The following EBF1 variants were observed in gnomAD, a reference collection of about 807,000 sequenced individuals.
EBF1 encodes the protein EBF transcription factor 1.
In EBF1, 10 loss-of-function variants were observed where a neutral mutation model predicts 68.4. The ratio of observed to expected loss-of-function variants is 0.15; its 90% CI spans 0.09 to 0.25. The LOEUF (loss-of-function observed/expected upper bound fraction) is 0.25. Ranked by LOEUF, EBF1 falls within the 10% of genes least tolerant of loss-of-function variation. The pLI is 1.00. For missense variants in EBF1, 509 were observed against 794.4 expected (o/e 0.64, Z 4.32); for synonymous variants, 298 against 299.8 (o/e 0.99, Z 0.06).
intron 6 of EBF1, among the ~76,000 whole-genome samples, chr5:158,852,314 G>A (rs944544143): frequency 1.3e-4 from 19 of 151,896 alleles, no homozygotes; most frequent in South Asian, 4.2e-4. Flanking sequence ...AATATTCACC[G>A]CATCTGTCTG....
At chr5:158,817,604 T>C (rs1784023280) in intron 8 of EBF1, among the ~76,000 whole-genome samples, 1 of 152,164 alleles carries the variant, frequency 6.6e-6, no homozygotes, top group African/African-American at 2.4e-5. Context: ...ACCCAGTCTG[T>C]TAAAGCAACA....
intron 9 of EBF1, among the ~76,000 whole-genome samples, chr5:158,784,415 C>G (rs114328021): frequency 1.3e-5 from 2 of 152,118 alleles, no homozygotes; most frequent in African/African-American, 2.4e-5. Context: ...TTTTCCCATA[C>G]CTTGAAATGA....
chr5:158,935,183 G>A (rs1413633109), intron 6 of EBF1, among the ~76,000 whole-genome samples: 5 of 152,072 alleles, frequency 3.3e-5, no homozygotes, highest in African/African-American at 1.2e-4. Flanking sequence ...CCAGCTCCCC[G>A]CCCCTCATCC....
chr5:159,081,682 C>T (rs1468962826), intron 5 of EBF1, among the ~76,000 whole-genome samples: 2 of 152,170 alleles, frequency 1.3e-5, no homozygotes, highest in Non-Finnish European at 2.9e-5. Context: ...AGAAACCATA[C>T]ACTGATGAGG....
At chr5:158,896,613 T>A (rs1444893919) in intron 6 of EBF1, among the ~76,000 whole-genome samples, 1 of 152,204 alleles carries the variant, frequency 6.6e-6, no homozygotes, top group Non-Finnish European at 1.5e-5. Context: ...ATTGTATGAT[T>A]TCAAAGTTCT....
In EBF1 at chr5:158,731,167, A is replaced by T. The variant is rs1295015476; in HGVS notation, c.1037-10T>A. On this transcript the variant is annotated splice_polypyrimidine_tract_variant and intron_variant, in intron 10 of 15. Transcript: ENST00000313708. ...GTGGGTTCGTTGAGCGCTGCAATAA[A>T]GAAGTCACACAATTAGTACATTTTC... 1 of 1,613,188 alleles carries T rather than the reference A, an allele frequency of 6.2e-7. No individual in the cohort carries two copies. The highest frequency in any genetic ancestry group is 1.1e-5 in the South Asian group (1 of 90,940).
chr5:158,742,519 A>T (rs949443421), intron 10 of EBF1, among the ~76,000 whole-genome samples: 1 of 152,240 alleles, frequency 6.6e-6, no homozygotes, highest in Non-Finnish European at 1.5e-5. Flanking sequence ...TGCTAGAAAC[A>T]GGGGCAGGTG....
At chr5:158,901,829 G>T (rs892433824) in intron 6 of EBF1, among the ~76,000 whole-genome samples, 2 of 152,148 alleles carry the variant, frequency 1.3e-5, no homozygotes, top group African/African-American at 4.8e-5. Flanking sequence ...GGTGGCTCAC[G>T]CCTGTAATAC....
intron 8 of EBF1, among the ~76,000 whole-genome samples, chr5:158,796,881 T>C (rs1457762615): frequency 1.3e-5 from 2 of 152,210 alleles, no homozygotes; most frequent in Non-Finnish European, 2.9e-5. Context: ...TACGTTTTTT[T>C]AGATAAACAT....
chr5:158,789,398 CTTTTTT>C (rs1428774904), intron 9 of EBF1, among the ~76,000 whole-genome samples: 2 of 151,974 alleles, frequency 1.3e-5, no homozygotes, highest in Admixed American at 6.6e-5. Flanking sequence ...TCTTAATTTT[CTTTTTT>C]ATTTTAGTGG....
chr5:159,033,743 C>T (rs1769431808), intron 6 of EBF1, among the ~76,000 whole-genome samples: 1 of 152,022 alleles, frequency 6.6e-6, no homozygotes, highest in Non-Finnish European at 1.5e-5. Flanking sequence ...CATAAAATGC[C>T]CTACAGATAA....
At chr5:158,828,123 A>C (rs1164629132) in intron 7 of EBF1, among the ~76,000 whole-genome samples, 1 of 152,194 alleles carries the variant, frequency 6.6e-6, no homozygotes, top group East Asian at 1.9e-4. Context: ...CTTTAAAAAT[A>C]TTAACTTGAA....
At position 158,959,907 on chromosome 5, in the gene EBF1, C is replaced by T. The variant is rs550800659; in HGVS notation, c.554+113489G>A. On this transcript the variant is annotated intron_variant, in intron 6 of 15. Transcript: ENST00000313708. ...ATGCAGTAAGAGAATCAAACTAGAT[C>T]GACCAATCAATGGAACAGAACAGAA... Among the ~76,000 whole-genome samples the T allele has an allele frequency of 1.1e-4, 17 of 152,230 alleles. No homozygotes were observed. In the South Asian group the frequency reaches 2.1e-3, roughly 19 times the overall value.
intron 5 of EBF1, 85 bp from the exon 6 acceptor site, chr5:159,073,549 G>A: frequency 6.9e-7 from 1 of 1,458,312 alleles, no homozygotes; most frequent in Non-Finnish European, 9.6e-7. Flanking sequence ...AAATTGCTGG[G>A]TTGCAAATGC....
rs1306336887 is a variant in EBF1, at chr5:158,714,234, A to T, written c.1126-52T>A. ...CTTTGAGTGAAGGCAGGTTGTCGTT[A>T]TCTTTTGACATGATCACATTCCAGT... is the stretch of plus-strand genomic sequence containing the variant. On this transcript the variant is annotated intron_variant, in intron 11 of 15. Transcript: ENST00000313708. The T allele has an allele frequency of 3.1e-6, 5 of 1,595,370 alleles. No homozygotes were observed. In the South Asian group the frequency reaches 5.5e-5, roughly 18 times the overall value.
At chr5:158,707,660 T>C (rs1758159777) in intron 15 of EBF1, 5 of 315,348 alleles carry the variant, frequency 1.6e-5, no homozygotes, top group East Asian at 4.6e-5. Context: ...CCACAAGGAG[T>C]GAAAGAGGAG....
rs914417771 is a variant in EBF1, at chr5:158,827,587, A to G, written c.637-4270T>C. On this transcript the variant is annotated intron_variant, in intron 7 of 15. Transcript: ENST00000313708. Reference sequence around the variant, plus strand: ...TGTTATTGGTGAGTACTTCCTCACCATCACTTCTCAGGCAGCCCCTCTTCC... The same window carrying G: ...TGTTATTGGTGAGTACTTCCTCACCGTCACTTCTCAGGCAGCCCCTCTTCC... Among the ~76,000 whole-genome samples, 4 of 152,184 alleles carry G rather than the reference A, an allele frequency of 2.6e-5. No individual in the cohort carries two copies. In the South Asian group the frequency reaches 8.3e-4, roughly 32 times the overall value.
At chr5:158,932,979 T>C (rs1024645797) in intron 6 of EBF1, among the ~76,000 whole-genome samples, 1 of 152,228 alleles carries the variant, frequency 6.6e-6, no homozygotes, top group African/African-American at 2.4e-5. Context: ...TACAGAGTGA[T>C]AGACACCCTG....
chr5:158,845,429 A>G (rs561770835), intron 6 of EBF1, among the ~76,000 whole-genome samples: 4 of 152,318 alleles, frequency 2.6e-5, no homozygotes, highest in Admixed American at 2.6e-4. Flanking sequence ...TCTCATCTGT[A>G]AGATGGGAGG....
Sources: allele counts gnomAD v4.1 joint callset (sites outside exome capture counted in the v4.1 genomes callset), GRCh38; gene constraint gnomAD v4.1.1; transcripts MANE v1.5; gene names NCBI Gene and HGNC (gene_info 2026-07-23, HGNC 2026-07-21).